The following PTAFR variants were observed in gnomAD, a reference collection of about 807,000 sequenced individuals.
PTAFR encodes platelet-activating factor receptor.
A neutral mutation model predicts 14.7 loss-of-function variants in PTAFR; 8 were observed. The observed-to-expected ratio is 0.54, with a 90% CI of 0.32 to 0.98. The LOEUF is 0.98. Ranked by LOEUF, PTAFR falls within the 50% of genes least tolerant of loss-of-function variation. The probability of loss-of-function intolerance (pLI) is 0.04; values close to 1 mark genes in which losing one functional copy is unlikely to be tolerated. For synonymous variants in PTAFR, 156 were observed against 176.5 expected, an observed-to-expected ratio of 0.88 and a Z score of 0.92; for missense variants, 337 against 451.2, an observed-to-expected ratio of 0.75 and a Z score of 2.29.
chr1:28,187,618 C>T (rs1646617525), intron 1 of PTAFR, among the ~76,000 whole-genome samples: 1 of 152,050 alleles, frequency 6.6e-6, no homozygotes, highest in African/African-American at 2.4e-5. Context: ...CATCCTCCCA[C>T]TTGAGCCTCC....
intron 1 of PTAFR, among the ~76,000 whole-genome samples, chr1:28,158,106 G>T (rs113188175): frequency 6.6e-6 from 1 of 152,238 alleles, no homozygotes; most frequent in African/African-American, 2.4e-5. Flanking sequence ...GCAGCTCACA[G>T]GCCATTTTGC....
chr1:28,181,203 C>G (rs143028979), upstream of PTAFR, among the ~76,000 whole-genome samples: 1,092 of 152,282 alleles, frequency 7.2e-3, 14 homozygotes, highest in African/African-American at 0.023. Flanking sequence ...CCACAGGAAA[C>G]TACCACAAGG....
chr1:28,184,086 T>TG (rs1307758229), intron 1 of PTAFR, among the ~76,000 whole-genome samples: 73 of 64,302 alleles, frequency 1.1e-3, no homozygotes, highest in Non-Finnish European at 1.8e-3. Flanking sequence ...TAGTCTGTTT[T>TG]TTTTTTTTTT....
upstream of PTAFR, among the ~76,000 whole-genome samples, chr1:28,178,738 G>C (rs922966936): frequency 6.6e-6 from 1 of 151,772 alleles, no homozygotes; most frequent in Non-Finnish European, 1.5e-5. Context: ...CTCACACTGT[G>C]TTCCTCCACT....
chr1:28,190,008 C>T (rs1026382412), intron 1 of PTAFR, among the ~76,000 whole-genome samples: 12 of 142,750 alleles, frequency 8.4e-5, no homozygotes, highest in Non-Finnish European at 1.7e-4. Context: ...TGCTCTTGTT[C>T]GTTGCCCAGG....
chr1:28,159,611 G>C (rs768741941), intron 1 of PTAFR, among the ~76,000 whole-genome samples: 4 of 152,026 alleles, frequency 2.6e-5, no homozygotes, highest in Non-Finnish European at 5.9e-5. Context: ...GCCGAGGCAG[G>C]ACGATCACTC....
Position 28,150,539 on chromosome 1 carries a change from C to A in PTAFR, c.483G>T (p.Val161=), listed in dbSNP as rs1236329719. ...CGTTGCCTGAGCCAGCACTGTCGGG[C>A]ACTGTGTTGGTGGAGTCCAGGATGA... The part of the protein sequence containing the change: ...YFLILDSTNT[V]PDSAGSGNVT... Residue 161 remains valine (V), a synonymous_variant, in exon 2 of 2, where the codon GTG becomes GTT. Transcript: ENST00000373857. This position sits in a 1 kb window ranked among gnomAD's most constrained non-coding sequence, Gnocchi z 6.3. 6.2e-7 allele frequency: 1 copy of A among 1,614,046 alleles called. No homozygotes were observed. The highest frequency in any genetic ancestry group is 8.5e-7 in the Non-Finnish European group (1 of 1,180,026).
At chr1:28,180,243 G>A (rs912677526), upstream of PTAFR, among the ~76,000 whole-genome samples, 2 of 152,056 alleles carry the variant, frequency 1.3e-5, no homozygotes, top group Non-Finnish European at 2.9e-5. Flanking sequence ...GGATGGACAT[G>A]GTGGCTCACG....
Position 28,150,151 on chromosome 1 carries a change from C to T in PTAFR, c.871G>A (p.Val291Ile), listed in dbSNP as rs771741341. The T allele has an allele frequency of 1.9e-6, 3 of 1,614,048 alleles. No homozygotes were observed. Residue 291 changes from valine (V) to isoleucine (I), a missense_variant, in exon 2 of 2, where the codon GTT becomes ATT. Val to Ile is a conservative substitution (Grantham distance 29). Coordinates refer to ENST00000373857, the MANE Select transcript of PTAFR (RefSeq NM_000952.5). This position sits in a 1 kb window ranked among gnomAD's most constrained non-coding sequence, Gnocchi z 6.3. ...LLSTNCVLDP[V>I]IYCFLTKKFR... ...TTCTTGGTGAGGAAACAGTAGATAA[C>T]AGGGTCTAAGACACAGTTGGTGCTA...
Position 28,150,922 on chromosome 1 carries a change from C to A in PTAFR, c.100G>T (p.Gly34Cys). The stretch of plus-strand genomic sequence containing the variant: ...CGGGCAAAGACCCACAGCACGTAGC[C>A]ATTAGCAATGACCCCGAGCACAAAG... ...IIFVLGVIAN[G>C]YVLWVFARLY... The change falls in exon 2 of 2, where the codon GGC (glycine) becomes TGC (cysteine). Residue 34 changes from glycine (G) to cysteine (C), a missense_variant. By Grantham distance (159) the Gly-to-Cys change is radical. Transcript: ENST00000373857. This position sits in a 1 kb window ranked among gnomAD's most constrained non-coding sequence, Gnocchi z 6.3. 6.2e-7 allele frequency: 1 copy of A among 1,614,054 alleles called. No homozygotes were observed.
At chr1:28,185,211 A>G (rs781421656) in intron 1 of PTAFR, among the ~76,000 whole-genome samples, 7 of 152,172 alleles carry the variant, frequency 4.6e-5, no homozygotes, top group Admixed American at 3.3e-4. Flanking sequence ...CCTTGAGTTT[A>G]TTGCCAAGAT....
rs1646147857 is a variant in PTAFR at position 28,149,093 on chromosome 1, T to C, written c.*900A>G. On this transcript the variant is annotated 3_prime_UTR_variant, in exon 2 of 2. Transcript: ENST00000373857. ...AGCTCTTGTCCTAGCTTTTGGTCTG[T>C]TCATGTTTTATCTTCTTTGGTCACC... The C allele has an allele frequency of 1.3e-5, 2 of 152,350 alleles. No homozygotes were observed. The highest frequency in any genetic ancestry group is 4.8e-5 in the African/African-American group (2 of 41,574). 9.4% of individuals were successfully genotyped at this position (152,350 alleles called of 1,614,324 possible). A position where few individuals can be genotyped will look rare whatever the true frequency, so the allele number is the denominator to read the frequency against.
intron 1 of PTAFR, among the ~76,000 whole-genome samples, chr1:28,164,018 CT>C (rs1646355091): frequency 6.6e-6 from 1 of 152,214 alleles, no homozygotes; most frequent in Admixed American, 6.5e-5. Flanking sequence ...AAGAATTCTG[CT>C]GTCTGGATCT....
intron 1 of PTAFR, among the ~76,000 whole-genome samples, chr1:28,166,328 ACCT>A (rs1304437188): frequency 4.6e-5 from 7 of 152,188 alleles, no homozygotes; most frequent in African/African-American, 1.7e-4. Flanking sequence ...TGGATTAAAG[ACCT>A]AAACATAAGA....
chr1:28,179,267 C>A (rs1398394409), upstream of PTAFR, among the ~76,000 whole-genome samples: 2 of 152,204 alleles, frequency 1.3e-5, no homozygotes, highest in East Asian at 3.9e-4. Flanking sequence ...GATCAACCAG[C>A]CTCCATTGCC....
chr1:28,156,253 C>T (rs1351779050), intron 1 of PTAFR, among the ~76,000 whole-genome samples: 2 of 144,974 alleles, frequency 1.4e-5, no homozygotes, highest in Non-Finnish European at 3.0e-5. Flanking sequence ...GCAACAAGAA[C>T]AAAACTCCAA....
chr1:28,184,095 T>G (rs796576209), intron 1 of PTAFR, among the ~76,000 whole-genome samples: 50 of 131,528 alleles, frequency 3.8e-4, no homozygotes, highest in African/African-American at 1.1e-3. Context: ...TTTTTTTTTT[T>G]TTTTTTTTTT....
At chr1:28,182,000 A>T in intron 1 of PTAFR, among the ~76,000 whole-genome samples, 1 of 151,996 alleles carries the variant, frequency 6.6e-6, no homozygotes, top group East Asian at 1.9e-4. Context: ...CAATTGCTAC[A>T]TGAATCTTCT....
intron 1 of PTAFR, among the ~76,000 whole-genome samples, chr1:28,172,818 T>C (rs1445980130): frequency 6.6e-6 from 1 of 152,092 alleles, no homozygotes; most frequent in Non-Finnish European, 1.5e-5. Flanking sequence ...TCATTCCAGC[T>C]CTGAGCCTTG....
Sources: allele counts gnomAD v4.1 joint callset (sites outside exome capture counted in the v4.1 genomes callset), GRCh38; gene constraint gnomAD v4.1.1; non-coding constraint Gnocchi (gnomAD v3.1); transcripts MANE v1.5; gene names NCBI Gene and HGNC (gene_info 2026-07-23, HGNC 2026-07-21).